Variants in ZNF98 observed in about 807,000 individuals in gnomAD.
ZNF98 encodes zinc finger protein 98, also known as zinc finger protein 739.
ZNF98 carries 8 observed loss-of-function variants against 12.8 expected under a neutral mutation model. The observed-to-expected ratio is 0.63, with a 90% CI of 0.37 to 1.13. The LOEUF (loss-of-function observed/expected upper bound fraction) is 1.13. Among genes scored for constraint, ZNF98 ranks in the 50% most tolerant of loss-of-function variants. The probability of loss-of-function intolerance (pLI) is 0.01; values close to 1 mark genes in which losing one functional copy is unlikely to be tolerated. For synonymous variants in ZNF98, 112 were observed against 223.5 expected, an observed-to-expected ratio of 0.50 and a Z score of 4.45; for missense variants, 379 against 666.1, an observed-to-expected ratio of 0.57 and a Z score of 4.74.
intron 1 of ZNF98, among the ~76,000 whole-genome samples, chr19:22,408,791 A>G (rs1489594683): frequency 6.6e-6 from 1 of 152,228 alleles, no homozygotes; most frequent in Non-Finnish European, 1.5e-5. Flanking sequence ...AAGAGAGCAC[A>G]CAATCAAATG....
In ZNF98 at chr19:22,399,826, C is replaced by T. The variant is rs1475232302; in HGVS notation, c.253+2963G>A. Among the ~76,000 whole-genome samples the T allele has an allele frequency of 2.0e-5, 3 of 152,078 alleles. No homozygotes were observed. The South Asian group carries it at 6.2e-4, about 32-fold the overall frequency. The stretch of plus-strand genomic sequence containing the variant: ...AAAATTCATCAGCCTGATAAAAATG[C>T]CTTTATGAGAGAAACAGGAATCATG... On this transcript the variant is annotated intron_variant, in intron 3 of 3. Coordinates refer to ENST00000357774, the MANE Select transcript of ZNF98 (RefSeq NM_001098626.2).
intron 1 of ZNF98, among the ~76,000 whole-genome samples, chr19:22,406,201 T>C (rs1389299968): frequency 6.6e-6 from 1 of 152,140 alleles, no homozygotes; most frequent in East Asian, 1.9e-4. Context: ...TCAGACACTC[T>C]ATACAGGAGT....
At chr19:22,400,780 C>G (rs1969446772) in intron 3 of ZNF98, among the ~76,000 whole-genome samples, 1 of 151,122 alleles carries the variant, frequency 6.6e-6, no homozygotes, top group Admixed American at 6.6e-5. Context: ...TGGTGAAACC[C>G]CATCTCTACT....
chr19:22,419,986 T>C (rs1017970759), intron 1 of ZNF98, among the ~76,000 whole-genome samples: 1 of 151,562 alleles, frequency 6.6e-6, no homozygotes, highest in African/African-American at 2.4e-5. Flanking sequence ...TGAAACCCTG[T>C]CTCCACTAAA....
chr19:22,413,839 A>T (rs910397640), intron 1 of ZNF98, among the ~76,000 whole-genome samples: 4 of 146,822 alleles, frequency 2.7e-5, no homozygotes, highest in African/African-American at 1.0e-4. Flanking sequence ...ATTGCACTCC[A>T]ACCTGGGCAA....
At chr19:22,408,042 C>A (rs538307909) in intron 1 of ZNF98, among the ~76,000 whole-genome samples, 5 of 152,154 alleles carry the variant, frequency 3.3e-5, no homozygotes, top group South Asian at 4.1e-4. Flanking sequence ...CTGCACTGGA[C>A]AACAAGTGCG....
intron 1 of ZNF98, among the ~76,000 whole-genome samples, chr19:22,408,797 A>G (rs1207585209): frequency 6.6e-6 from 1 of 152,246 alleles, no homozygotes; most frequent in Non-Finnish European, 1.5e-5. Flanking sequence ...GCACACAATC[A>G]AATGGAAAAA....
intron 1 of ZNF98, among the ~76,000 whole-genome samples, chr19:22,418,799 T>C (rs1458332660): frequency 6.6e-6 from 1 of 152,166 alleles, no homozygotes; most frequent in Non-Finnish European, 1.5e-5. Flanking sequence ...GGAGAATCGC[T>C]TGAACCCAGG....
At chr19:22,420,018 C>T (rs1969686824) in intron 1 of ZNF98, among the ~76,000 whole-genome samples, 1 of 151,874 alleles carries the variant, frequency 6.6e-6, no homozygotes, top group African/African-American at 2.4e-5. Flanking sequence ...AAAAAATTAG[C>T]TGGGTGTGGT....
chr19:22,422,280 T>G lies in ZNF98; in HGVS notation c.-56A>C. On this transcript the variant is annotated 5_prime_UTR_variant, in exon 1 of 4. Transcript: ENST00000357774. ...CACAGGGCCACAGAGGCTGGGCCTC[T>G]ACGAGCAGAGGACACAGAAGGGCGA... 6.2e-7 allele frequency: 1 copy of G among 1,603,574 alleles called. No homozygotes were observed. Among genetic ancestry groups the G allele is most frequent in the East Asian group, 2.3e-5 (1 of 44,398 alleles).
Position 22,422,257 on chromosome 19 carries a change from C to T in ZNF98, c.-33G>A. On this transcript the variant is annotated 5_prime_UTR_variant, in exon 1 of 4. The change creates a new upstream start codon in the 5' untranslated region. Transcript: ENST00000357774. The stretch of plus-strand genomic sequence containing the variant: ...GTGGATTCCCAATACCTGCAGGTCA[C>T]AGGGCCACAGAGGCTGGGCCTCTAC... 1 of 1,610,266 alleles carries T rather than the reference C, an allele frequency of 6.2e-7. No homozygotes were observed.
intron 1 of ZNF98, among the ~76,000 whole-genome samples, chr19:22,410,550 T>C (rs899674579): frequency 2.0e-5 from 3 of 151,950 alleles, no homozygotes; most frequent in Admixed American, 6.6e-5. Context: ...AGTTGAACAA[T>C]GAGAACACAT....
intron 1 of ZNF98, among the ~76,000 whole-genome samples, chr19:22,414,549 C>A (rs1453133356): frequency 2.0e-5 from 3 of 151,996 alleles, no homozygotes; most frequent in African/African-American, 7.3e-5. Flanking sequence ...AACTCACAGA[C>A]CAATACAACA....
rs57152900 is a variant in ZNF98 at position 22,417,229 on chromosome 19, CAAAAAAAAAAAA to C, written c.30+4954_30+4965del. ...GGGCAATAAGAGCAAAACTCCATCT[CAAAAAAAAAAAA>C]AAAAAAAAAAAAAAAATTAAGTAAG... On this transcript the variant is annotated intron_variant, in intron 1 of 3. Coordinates refer to ENST00000357774, the MANE Select transcript of ZNF98 (RefSeq NM_001098626.2). Among the ~76,000 whole-genome samples, 6 of 45,454 alleles carry C rather than the reference CAAAAAAAAAAAA, an allele frequency of 1.3e-4. No homozygotes were observed. The East Asian group carries it at 2.7e-3, about 21-fold the overall frequency. The allele number at this position is 45,454 out of a possible 152,430, so 29.8% of individuals were successfully genotyped here.
chr19:22,422,260 G>A lies in ZNF98; in HGVS notation c.-36C>T, dbSNP rs1969713105. ...GATTCCCAATACCTGCAGGTCACAG[G>A]GCCACAGAGGCTGGGCCTCTACGAG... On this transcript the variant is annotated 5_prime_UTR_variant, in exon 1 of 4. Coordinates refer to ENST00000357774, the MANE Select transcript of ZNF98 (RefSeq NM_001098626.2). The A allele has an allele frequency of 3.1e-6, 5 of 1,609,868 alleles. No individual in the cohort carries two copies. The highest frequency in any genetic ancestry group is 4.2e-6 in the Non-Finnish European group (5 of 1,177,282).
intron 3 of ZNF98, among the ~76,000 whole-genome samples, chr19:22,396,027 TAAACTG>T (rs1211346058): frequency 6.9e-6 from 1 of 144,330 alleles, no homozygotes; most frequent in African/African-American, 2.6e-5. Context: ...AGCAGTTTCT[TAAACTG>T]AAAGTAAAAG....
intron 3 of ZNF98, among the ~76,000 whole-genome samples, chr19:22,396,614 CT>C (rs1248871079): frequency 2.0e-5 from 3 of 151,488 alleles, no homozygotes; most frequent in African/African-American, 7.3e-5. Flanking sequence ...CAAGATCCAA[CT>C]TTTTTTTTCT....
chr19:22,406,134 T>C (rs1969516103), intron 1 of ZNF98, among the ~76,000 whole-genome samples: 1 of 152,114 alleles, frequency 6.6e-6, no homozygotes, highest in South Asian at 2.1e-4. Context: ...AAGTGCTTCA[T>C]TAAATGGGTT....
intron 1 of ZNF98, among the ~76,000 whole-genome samples, chr19:22,409,307 A>G (rs1376739133): frequency 2.0e-5 from 3 of 152,160 alleles, no homozygotes; most frequent in African/African-American, 2.4e-5. Flanking sequence ...GATTAAAGAC[A>G]TAAATGTAAA....
Sources: allele counts gnomAD v4.1 joint callset (sites outside exome capture counted in the v4.1 genomes callset), GRCh38; gene constraint gnomAD v4.1.1; transcripts MANE v1.5; gene names NCBI Gene and HGNC (gene_info 2026-07-23, HGNC 2026-07-21).